Variants in EPB41L2 observed in about 807,000 individuals in gnomAD.
EPB41L2 encodes erythrocyte membrane protein band 4.1 like 2.
Under a neutral mutation model 113.0 loss-of-function variants are expected in EPB41L2, and 43 were observed. The ratio of observed to expected loss-of-function variants is 0.38; its 90% confidence interval spans 0.30 to 0.49. The LOEUF is 0.49. Among genes scored for constraint, EPB41L2 ranks in the 20% least tolerant of loss-of-function variants. The pLI, the probability that EPB41L2 is intolerant of heterozygous loss-of-function variation, is 0.95. For missense variants in EPB41L2, 1,147 were observed against 1,223.4 expected, an observed-to-expected ratio of 0.94 and a Z score of 0.93; for synonymous variants, 442 against 436.7, an observed-to-expected ratio of 1.01 and a Z score of -0.15.
intron 1 of EPB41L2, among the ~76,000 whole-genome samples, chr6:130,960,638 A>G (rs1773251357): frequency 6.6e-6 from 1 of 152,206 alleles, no homozygotes; most frequent in Non-Finnish European, 1.5e-5. Context: ...TACTCAACAT[A>G]TTCTTGAAAC....
At chr6:130,899,453 GACT>G (rs1562432597) in intron 8 of EPB41L2, 35 bp downstream of exon 8, 1 of 1,555,056 alleles carries the variant, frequency 6.4e-7, no homozygotes, top group South Asian at 1.1e-5. Context: ...TCAGTCAACA[GACT>G]ACTATGATGC....
chr6:130,947,299 T>C (rs866024852), intron 3 of EPB41L2, among the ~76,000 whole-genome samples: 1 of 152,124 alleles, frequency 6.6e-6, no homozygotes, highest in Non-Finnish European at 1.5e-5. Context: ...CTTCTCTCCA[T>C]TGTTGTAAAC....
rs373311698 is a variant in EPB41L2, at chr6:130,895,015, T to A, written c.1341A>T (p.Lys447Asn). The A allele has an allele frequency of 6.2e-7, 1 of 1,613,872 alleles. No homozygotes were observed. Among genetic ancestry groups the A allele is most frequent in the African/African-American group, 1.3e-5 (1 of 74,908 alleles). ...AGAAGTTACTGCGTTTATAGGAAAT[T>A]TTTAAGATTTTCGGCCAAGCAAAAC... ...INRFAWPKIL[K>N]ISYKRSNFYI... Residue 447 changes from lysine to asparagine, a missense_variant, in exon 9 of 20, where the codon AAA (lysine) becomes AAT (asparagine). Coordinates refer to ENST00000337057, the MANE Select transcript of EPB41L2 (RefSeq NM_001431.4).
intron 1 of EPB41L2, among the ~76,000 whole-genome samples, chr6:130,965,214 C>T (rs1774754707): frequency 6.6e-6 from 1 of 152,146 alleles, no homozygotes; most frequent in South Asian, 2.1e-4. Flanking sequence ...GAATCCTGCT[C>T]TCAGTATAGT....
intron 12 of EPB41L2, among the ~76,000 whole-genome samples, chr6:130,884,728 A>C (rs1443706752): frequency 2.0e-5 from 3 of 152,246 alleles, no homozygotes; most frequent in African/African-American, 7.2e-5. Context: ...TGATGTAAAA[A>C]AATTCAAGTC....
At chr6:131,057,825 T>C (rs1797883097) in intron 1 of EPB41L2, among the ~76,000 whole-genome samples, 1 of 152,216 alleles carries the variant, frequency 6.6e-6, no homozygotes, top group South Asian at 2.1e-4. Context: ...ATGCATGAAC[T>C]ACCCTACCTG....
chr6:131,057,304 T>C (rs879473701), intron 1 of EPB41L2, among the ~76,000 whole-genome samples: 16 of 152,074 alleles, frequency 1.1e-4, no homozygotes, highest in Non-Finnish European at 2.1e-4. Flanking sequence ...ACTTACAGTC[T>C]CAGGCAGTTT....
At chr6:130,848,818 T>C (rs1037785587) in intron 19 of EPB41L2, among the ~76,000 whole-genome samples, 3 of 152,162 alleles carry the variant, frequency 2.0e-5, no homozygotes, top group East Asian at 1.9e-4. Context: ...GTTTAAACAA[T>C]TGGTATCTGG....
intron 1 of EPB41L2, among the ~76,000 whole-genome samples, chr6:131,021,721 C>T (rs1398191764): frequency 6.6e-6 from 1 of 152,064 alleles, no homozygotes; most frequent in African/African-American, 2.4e-5. Flanking sequence ...ACTTCCCATG[C>T]ACCATTCTGT....
Position 130,948,302 on chromosome 6 carries a change from C to G in EPB41L2, c.705+6803G>C, listed in dbSNP as rs1046767849. Among the ~76,000 whole-genome samples the G allele has an allele frequency of 7.9e-5, 12 of 151,998 alleles. 1 individual carries two copies. The highest frequency in any genetic ancestry group is 2.9e-4 in the African/African-American group (12 of 41,356). ...TTCAGGCAACACAGTAAGTTGATTCCCTACAGGTAGTAGATCATAGAAGGA... is the reference window on the plus strand; with the variant it reads ...TTCAGGCAACACAGTAAGTTGATTCGCTACAGGTAGTAGATCATAGAAGGA... On this transcript the variant is annotated intron_variant, in intron 3 of 19. Transcript: ENST00000337057.
At chr6:131,052,302 C>T (rs1034713709) in intron 1 of EPB41L2, among the ~76,000 whole-genome samples, 2 of 152,114 alleles carry the variant, frequency 1.3e-5, no homozygotes, top group Non-Finnish European at 2.9e-5. Context: ...GGATAAACTC[C>T]TAACTTTTTG....
At chr6:130,860,678 G>A (rs1016341497) in intron 18 of EPB41L2, among the ~76,000 whole-genome samples, 3 of 152,202 alleles carry the variant, frequency 2.0e-5, no homozygotes, top group Non-Finnish European at 2.9e-5. Context: ...GACTACAGGC[G>A]CCTGCCACTG....
chr6:130,965,409 C>T (rs1774823030), intron 1 of EPB41L2, among the ~76,000 whole-genome samples: 1 of 151,254 alleles, frequency 6.6e-6, no homozygotes, highest in African/African-American at 2.4e-5. Flanking sequence ...ACACTCATAA[C>T]ATACAAAATA....
intron 1 of EPB41L2, among the ~76,000 whole-genome samples, chr6:131,025,517 C>T (rs894586403): frequency 1.3e-5 from 2 of 152,284 alleles, no homozygotes; most frequent in Admixed American, 1.3e-4. Context: ...CACACCAAAC[C>T]ACTGGCCTAT....
At chr6:130,854,768 T>C (rs1165081497) in intron 19 of EPB41L2, among the ~76,000 whole-genome samples, 6 of 152,240 alleles carry the variant, frequency 3.9e-5, no homozygotes, top group African/African-American at 7.2e-5. Flanking sequence ...AGGTAGATCA[T>C]ACCATTCACT....
intron 16 of EPB41L2, 133 bp from the exon 17 acceptor site, chr6:130,865,767 C>T: frequency 1.2e-6 from 1 of 861,380 alleles, no homozygotes; most frequent in South Asian, 1.8e-5. Flanking sequence ...TAATTACCAT[C>T]CAGGAGAGCG....
intron 3 of EPB41L2, among the ~76,000 whole-genome samples, chr6:130,942,157 T>C (rs893319010): frequency 6.6e-6 from 1 of 152,326 alleles, no homozygotes; most frequent in Admixed American, 6.5e-5. Flanking sequence ...ATAAATTCTG[T>C]CCATGTTTCC....
intron 1 of EPB41L2, among the ~76,000 whole-genome samples, chr6:130,970,104 T>C (rs891833286): frequency 1.3e-5 from 2 of 152,160 alleles, no homozygotes; most frequent in African/African-American, 2.4e-5. Context: ...TGCGAAACAG[T>C]GTACGTACCC....
chr6:130,962,362 G>A lies in EPB41L2; in HGVS notation c.-14-5863C>T, dbSNP rs548427422. On this transcript the variant is annotated intron_variant, in intron 1 of 19. Transcript: ENST00000337057. ...GAAGAAGGAATAACAAAAACAGGCA[G>A]ACTTAGAGCAGAGTGCAAGTAAGTC... is the stretch of plus-strand genomic sequence containing the variant. Among the ~76,000 whole-genome samples, 6 of 152,256 alleles carry A rather than the reference G, an allele frequency of 3.9e-5. No homozygotes were observed. In the East Asian group the frequency reaches 1.2e-3, roughly 29 times the overall value.
Sources: allele counts gnomAD v4.1 joint callset (sites outside exome capture counted in the v4.1 genomes callset), GRCh38; gene constraint gnomAD v4.1.1; transcripts MANE v1.5; gene names NCBI Gene and HGNC (gene_info 2026-07-23, HGNC 2026-07-21).